Variants in RYR2 observed in about 807,000 individuals in gnomAD.
RYR2 encodes the protein cardiac muscle ryanodine receptor-calcium release channel.
RYR2 carries 227 observed loss-of-function variants against 601.1 expected under a neutral mutation model. The ratio of observed to expected loss-of-function variants is 0.38; its 90% CI spans 0.34 to 0.42. The LOEUF (loss-of-function observed/expected upper bound fraction) is 0.42, where lower values mean the gene tolerates loss of function less well. Ranked by LOEUF, RYR2 falls within the 10% of genes least tolerant of loss-of-function variation. The pLI, the probability that RYR2 is intolerant of heterozygous loss-of-function variation, is 1.00. For synonymous variants in RYR2, 2,223 were observed against 2,175.1 expected (o/e 1.02, Z -0.61); for missense variants, 4,646 against 6,156.5 (o/e 0.75, Z 8.21).
At chr1:237,229,756 CAG>C (rs1399964228) in intron 1 of RYR2, among the ~76,000 whole-genome samples, 1 of 152,138 alleles carries the variant, frequency 6.6e-6, no homozygotes, top group African/African-American at 2.4e-5. Flanking sequence ...CAAAACACAA[CAG>C]AATAAAAACC....
intron 48 of RYR2, among the ~76,000 whole-genome samples, chr1:237,647,516 T>G (rs1412953745): frequency 6.6e-6 from 1 of 152,232 alleles, no homozygotes; most frequent in Non-Finnish European, 1.5e-5. Context: ...TAGAACATTA[T>G]TTGTTTGTTT....
At chr1:237,243,152 G>A (rs1572334566) in intron 1 of RYR2, among the ~76,000 whole-genome samples, 1 of 151,746 alleles carries the variant, frequency 6.6e-6, no homozygotes, top group Admixed American at 6.6e-5. Context: ...GTCAGGGGAG[G>A]GGTTCCCCAT....
chr1:237,655,829 A>G lies in RYR2; in HGVS notation c.7974A>G (p.Glu2658=). 6.3e-7 allele frequency: 1 copy of G among 1,594,948 alleles called. No individual in the cohort carries two copies. The highest frequency in any genetic ancestry group is 8.5e-7 in the Non-Finnish European group (1 of 1,171,294). The part of the protein sequence containing the change: ...IFDALSQKKY[E]QELFKLALPC... ...TCCTCCATTTTTCCCAGAAATATGA[A>G]CAAGAACTTTTCAAACTGGCACTGC... Residue 2658 remains glutamate (E), a synonymous_variant, in exon 53 of 105, where the codon GAA becomes GAG. Transcript: ENST00000366574.
At chr1:237,444,478 G>C (rs969737565) in intron 13 of RYR2, among the ~76,000 whole-genome samples, 1 of 152,006 alleles carries the variant, frequency 6.6e-6, no homozygotes, top group Non-Finnish European at 1.5e-5. Flanking sequence ...CCTAGATTTA[G>C]TTCAGTACAC....
At chr1:237,273,047 A>G (rs1689864346) in intron 2 of RYR2, among the ~76,000 whole-genome samples, 1 of 152,134 alleles carries the variant, frequency 6.6e-6, no homozygotes, top group African/African-American at 2.4e-5. Flanking sequence ...ATTCAAGCAC[A>G]TTACATTTAT....
chr1:237,593,443 C>T (rs757025996), intron 32 of RYR2, 33 bp from the exon 33 acceptor site: 1 of 1,565,870 alleles, frequency 6.4e-7, no homozygotes, highest in Non-Finnish European at 8.7e-7. Context: ...TTTAGTTTTA[C>T]TTTGCCAATA....
At chr1:237,204,510 A>C (rs962369529) in intron 1 of RYR2, among the ~76,000 whole-genome samples, 49 of 151,926 alleles carry the variant, frequency 3.2e-4, no homozygotes, top group African/African-American at 1.1e-3. Context: ...AAACAAAAAA[A>C]AAAAAAAAGA....
At position 237,551,570 on chromosome 1, in the gene RYR2, CACTCTTTAATCCGTT is replaced by C. The variant is rs528191314; in HGVS notation, c.3214+880_3214+894del. On this transcript the variant is annotated intron_variant, in intron 27 of 104. Coordinates refer to ENST00000366574, the MANE Select transcript of RYR2 (RefSeq NM_001035.3). ...AAAAAGAATGTAGTTTAGAATGATC[CACTCTTTAATCCGTT>C]GCTCCTGCAGTCTGAGTTAGTTTAA... Among the ~76,000 whole-genome samples the C allele has an allele frequency of 4.5e-3, 679 of 150,080 alleles. 4 individuals are homozygous for C. Among genetic ancestry groups the C allele is most frequent in the African/African-American group, 0.015 (630 of 41,034 alleles).
At chr1:237,321,793 A>T (rs1343917893) in intron 2 of RYR2, among the ~76,000 whole-genome samples, 1 of 152,134 alleles carries the variant, frequency 6.6e-6, no homozygotes, top group Non-Finnish European at 1.5e-5. Context: ...TTTAGAGGGG[A>T]TCTTCAGACT....
At chr1:237,451,340 A>G (rs872817) in intron 14 of RYR2, among the ~76,000 whole-genome samples, 79,194 of 151,820 alleles carry the variant, frequency 0.52, 22,065 homozygotes, top group East Asian at 0.74. Context: ...GGGAGGCTGA[A>G]GCCGGCACAT....
intron 27 of RYR2, chr1:237,555,107 T>C (rs531293251): frequency 1.2e-4 from 18 of 152,232 alleles, no homozygotes; most frequent in Non-Finnish European, 8.8e-5. Flanking sequence ...AGAACGTTAA[T>C]GTTCAATCAC....
intron 35 of RYR2, 76 bp downstream of exon 35, chr1:237,602,187 T>A: frequency 9.2e-7 from 1 of 1,084,598 alleles, no homozygotes; most frequent in South Asian, 1.5e-5. Context: ...CTGAAATGAA[T>A]TCAGTATATT....
intron 1 of RYR2, among the ~76,000 whole-genome samples, chr1:237,053,783 C>T (rs1404853178): frequency 6.6e-6 from 1 of 152,102 alleles, no homozygotes; most frequent in East Asian, 1.9e-4. Context: ...AGAAAACCGT[C>T]AGAGGAAAGG....
At chr1:237,690,052 G>C (rs189715902) in intron 63 of RYR2, among the ~76,000 whole-genome samples, 87 of 152,236 alleles carry the variant, frequency 5.7e-4, no homozygotes, top group Non-Finnish European at 1.0e-3. Context: ...GGCCAGGCTG[G>C]TCTCGAACTC....
chr1:237,196,421 A>G (rs1680568909), intron 1 of RYR2, among the ~76,000 whole-genome samples: 1 of 152,116 alleles, frequency 6.6e-6, no homozygotes, highest in South Asian at 2.1e-4. Flanking sequence ...TAAAATGACA[A>G]TCTCTAATTT....
intron 35 of RYR2, among the ~76,000 whole-genome samples, chr1:237,602,756 A>G (rs1384620475): frequency 1.3e-5 from 2 of 152,350 alleles, no homozygotes; most frequent in Non-Finnish European, 2.9e-5. Context: ...CTTGTGTGCC[A>G]TGTGAAAAGG....
At chr1:237,444,980 G>A (rs1333862579) in intron 13 of RYR2, among the ~76,000 whole-genome samples, 1 of 152,112 alleles carries the variant, frequency 6.6e-6, no homozygotes, top group Non-Finnish European at 1.5e-5. Flanking sequence ...AGGATCAGTC[G>A]TTCAATGTAG....
intron 79 of RYR2, 89 bp downstream of exon 79, chr1:237,733,845 A>C: frequency 2.2e-6 from 2 of 911,142 alleles, no homozygotes; most frequent in Admixed American, 4.5e-5. Flanking sequence ...TGTGTATTTC[A>C]TTAATTTCAA....
At chr1:237,432,924 C>G (rs925904678) in intron 12 of RYR2, among the ~76,000 whole-genome samples, 12 of 150,274 alleles carry the variant, frequency 8.0e-5, no homozygotes, top group African/African-American at 2.9e-4. Context: ...TTCTTAGATC[C>G]CTGATTTTCA....
Sources: allele counts gnomAD v4.1 joint callset (sites outside exome capture counted in the v4.1 genomes callset), GRCh38; gene constraint gnomAD v4.1.1; transcripts MANE v1.5; gene names NCBI Gene and HGNC (gene_info 2026-07-23, HGNC 2026-07-21).